Variants in RBFOX1 observed in about 807,000 individuals in gnomAD.
The protein encoded by RBFOX1 is RNA binding protein fox-1 homolog 1.
A neutral mutation model predicts 57.7 loss-of-function variants in RBFOX1; 8 were observed. That is an observed-to-expected ratio of 0.14 (90% CI 0.08 to 0.25). The LOEUF (loss-of-function observed/expected upper bound fraction) is 0.25. RBFOX1 is among the 10% of genes least tolerant of loss of function. The probability of loss-of-function intolerance (pLI) is 1.00; values close to 1 mark genes in which losing one functional copy is unlikely to be tolerated. For synonymous variants in RBFOX1, 326 were observed against 222.4 expected (o/e 1.47, Z -4.15); for missense variants, 611 against 548.5 (o/e 1.11, Z -1.14).
At chr16:7,362,780 G>C (rs1033215423) in intron 4 of RBFOX1, among the ~76,000 whole-genome samples, 1 of 152,178 alleles carries the variant, frequency 6.6e-6, no homozygotes, top group East Asian at 1.9e-4. Flanking sequence ...GCGTATATGT[G>C]TGTGTGTGCA....
At chr16:7,094,338 G>A (rs1270046017) in intron 4 of RBFOX1, among the ~76,000 whole-genome samples, 1 of 152,070 alleles carries the variant, frequency 6.6e-6, no homozygotes, top group Admixed American at 6.5e-5. Flanking sequence ...AAGCTTTTAG[G>A]AGAAGTAGAG....
intron 3 of RBFOX1, among the ~76,000 whole-genome samples, chr16:6,701,168 G>C (rs2061788425): frequency 1.3e-5 from 2 of 150,880 alleles, no homozygotes; most frequent in Non-Finnish European, 2.9e-5. Flanking sequence ...TTTGTCTTGG[G>C]CTGAAATGGC....
At chr16:7,107,922 A>G (rs2063902817) in intron 4 of RBFOX1, among the ~76,000 whole-genome samples, 2 of 152,118 alleles carry the variant, frequency 1.3e-5, no homozygotes, top group East Asian at 3.9e-4. Flanking sequence ...CTGACTTGAA[A>G]AAGGCAGAGT....
chr16:7,342,923 C>T (rs549993853), intron 4 of RBFOX1, among the ~76,000 whole-genome samples: 156 of 152,284 alleles, frequency 1.0e-3, no homozygotes, highest in Non-Finnish European at 1.5e-3. Context: ...TTACAAGAAA[C>T]ACGTGAAGGA....
chr16:7,668,786 C>A (rs140818757), intron 13 of RBFOX1, among the ~76,000 whole-genome samples: 1 of 152,084 alleles, frequency 6.6e-6, no homozygotes, highest in African/African-American at 2.4e-5. Context: ...TAAATACATT[C>A]ATTTTAATTA....
chr16:5,400,871 A>G (rs75628292), intron 1 of RBFOX1, among the ~76,000 whole-genome samples: 512 of 152,128 alleles, frequency 3.4e-3, no homozygotes, highest in Middle Eastern at 0.017. Flanking sequence ...TTTGCCATTT[A>G]TATTTTTTCC....
At chr16:7,039,435 T>C (rs2045497110) in intron 3 of RBFOX1, among the ~76,000 whole-genome samples, 1 of 152,176 alleles carries the variant, frequency 6.6e-6, no homozygotes, top group Non-Finnish European at 1.5e-5. Flanking sequence ...TTCTCAAGTG[T>C]ATTTTGTTCG....
At chr16:5,240,703 G>T (rs529633593) in intron 1 of RBFOX1, among the ~76,000 whole-genome samples, 1 of 152,198 alleles carries the variant, frequency 6.6e-6, no homozygotes, top group Non-Finnish European at 1.5e-5. Context: ...GGACAGAGAG[G>T]CAAAGTTCCT....
intron 3 of RBFOX1, among the ~76,000 whole-genome samples, chr16:6,677,095 C>A (rs915846873): frequency 6.6e-6 from 1 of 152,194 alleles, no homozygotes; most frequent in South Asian, 2.1e-4. Context: ...AAGCATGATT[C>A]ATTTAATCTG....
At position 6,226,899 on chromosome 16, in the gene RBFOX1, A is replaced by G. The variant is rs559181879; in HGVS notation, c.-126-90096A>G. ...TGAGGCGGCTGGATTGCCTGAGCTC[A>G]GGAGTTTGAGACCAGCCCGGCCAAC... On this transcript the variant is annotated intron_variant, in intron 1 of 15. Coordinates refer to ENST00000550418, the MANE Select transcript of RBFOX1 (RefSeq NM_018723.4). Among the ~76,000 whole-genome samples, 89 of 151,030 alleles carry G rather than the reference A, an allele frequency of 5.9e-4. No homozygotes were observed. In the South Asian group the frequency reaches 0.019, roughly 31 times the overall value.
intron 2 of RBFOX1, among the ~76,000 whole-genome samples, chr16:6,495,656 A>C (rs1272551892): frequency 1.3e-5 from 2 of 152,196 alleles, no homozygotes; most frequent in Admixed American, 1.3e-4. Context: ...TTTCAGACAG[A>C]TGGATGCCTC....
chr16:5,555,386 G>A (rs958998252), intron 2 of RBFOX1, among the ~76,000 whole-genome samples: 55 of 152,140 alleles, frequency 3.6e-4, no homozygotes, highest in South Asian at 4.2e-4. Flanking sequence ...GAGTAGCTGG[G>A]ACTACAGGCA....
chr16:7,160,731 C>T (rs1461503915), intron 4 of RBFOX1, among the ~76,000 whole-genome samples: 2 of 151,884 alleles, frequency 1.3e-5, no homozygotes, highest in Admixed American at 6.6e-5. Context: ...CAGGCAGTTT[C>T]TTAACATAGG....
At chr16:6,460,602 G>C (rs1291658067) in intron 2 of RBFOX1, among the ~76,000 whole-genome samples, 2 of 152,108 alleles carry the variant, frequency 1.3e-5, no homozygotes, top group South Asian at 4.1e-4. Flanking sequence ...AACAACAGAT[G>C]CTGGTGAGCT....
chr16:5,957,827 T>C (rs967573400), intron 4 of RBFOX1, among the ~76,000 whole-genome samples: 1 of 152,164 alleles, frequency 6.6e-6, no homozygotes, highest in African/African-American at 2.4e-5. Flanking sequence ...AATCCACTTA[T>C]ACTCTTTTAG....
intron 2 of RBFOX1, among the ~76,000 whole-genome samples, chr16:6,645,541 A>G (rs1206815432): frequency 6.6e-6 from 1 of 152,078 alleles, no homozygotes; most frequent in Non-Finnish European, 1.5e-5. Context: ...AAAACAACCA[A>G]CACACCAAGT....
At chr16:6,784,702 T>G (rs1159284721) in intron 3 of RBFOX1, among the ~76,000 whole-genome samples, 2 of 152,104 alleles carry the variant, frequency 1.3e-5, no homozygotes, top group Non-Finnish European at 2.9e-5. Context: ...TGATTTTTTT[T>G]TTTTATAAAG....
intron 5 of RBFOX1, among the ~76,000 whole-genome samples, chr16:7,542,535 A>G (rs2083227215): frequency 6.6e-6 from 1 of 151,942 alleles, no homozygotes; most frequent in Non-Finnish European, 1.5e-5. Context: ...AGGAAGGGGA[A>G]AGAGAAACAG....
chr16:5,843,021 G>T (rs1333795364), intron 3 of RBFOX1, among the ~76,000 whole-genome samples: 3 of 151,932 alleles, frequency 2.0e-5, no homozygotes, highest in Admixed American at 6.6e-5. Context: ...TAGAGACGGG[G>T]TTTCACCATG....
Sources: gnomAD v4.1 joint callset for allele counts (sites outside exome capture counted in the v4.1 genomes callset) on GRCh38, gnomAD v4.1.1 for gene constraint, MANE v1.5 for transcripts, NCBI Gene and HGNC (gene_info 2026-07-23, HGNC 2026-07-21) for gene names.